DNAAF3: variants seen among roughly 807,000 people sequenced by gnomAD.
The protein encoded by DNAAF3 is dynein axonemal assembly factor 3, also known as UPF0470 protein C19orf51.
A neutral mutation model predicts 50.9 loss-of-function variants in DNAAF3; 40 were observed. That is an observed-to-expected ratio of 0.79 (90% confidence interval 0.61 to 1.02). The LOEUF (loss-of-function observed/expected upper bound fraction) is 1.02. Among genes scored for constraint, DNAAF3 ranks in the 50% least tolerant of loss-of-function variants. The pLI, the probability that DNAAF3 is intolerant of heterozygous loss-of-function variation, is 0.00. For missense variants in DNAAF3, 763 were observed against 744.7 expected, an observed-to-expected ratio of 1.02 and a Z score of -0.29; for synonymous variants, 327 against 322.8, an observed-to-expected ratio of 1.01 and a Z score of -0.14.
intron 3 of DNAAF3, 149 bp downstream of exon 3, chr19:55,165,709 C>G (rs1487821946): frequency 7.3e-7 from 1 of 1,376,084 alleles, no homozygotes; most frequent in Non-Finnish European, 9.9e-7. Context: ...TTCCTTCCCC[C>G]AAGACGCATC....
chr19:55,159,568 C>T lies in DNAAF3; in HGVS notation c.1203G>A (p.Val401=). 3 of 1,606,378 alleles carry T rather than the reference C, an allele frequency of 1.9e-6. No homozygotes were observed. Among genetic ancestry groups the T allele is most frequent in the Non-Finnish European group, 1.7e-6 (2 of 1,176,058 alleles). The part of the protein sequence containing the change: ...HLLIPELGAC[V]APGGNLIVEL... The stretch of plus-strand genomic sequence containing the variant: ...CCACAATCAAGTTCCCTCCGGGTGC[C>T]ACACAGGCCCCAAGCTCAGGGATGA... Residue 401 remains valine (V), a synonymous_variant, in exon 11 of 12, where the codon GTG becomes GTA. Coordinates refer to ENST00000524407, the MANE Select transcript of DNAAF3 (RefSeq NM_001256715.2).
At position 55,166,360 on chromosome 19, in the gene DNAAF3, G is replaced by A. The variant is rs1045659712; in HGVS notation, c.54C>T (p.Gly18=). 3 of 1,613,684 alleles carry A rather than the reference G, an allele frequency of 1.9e-6. No individual in the cohort carries two copies. In the African/African-American group the frequency reaches 4.0e-5, roughly 22 times the overall value. The change falls in exon 2 of 12, where the codon GGC becomes GGT. Residue 18 remains glycine (G), a synonymous_variant. Transcript: ENST00000524407. The surrounding 1 kb of genome is among the most constrained non-coding windows in gnomAD (Gnocchi z 4.0). The part of the protein sequence containing the change: ...GSGFGSVSWW[G]LSPALDLQAE... ...CCTGCAGGTCCAGCGCCGGGGACAG[G>A]CCCCACCAGGACACGGAGCCGAAGC...
At position 55,162,707 on chromosome 19, in the gene DNAAF3, T is replaced by C. The variant is rs749533068; in HGVS notation, c.323-417A>G. 8 of 979,022 alleles carry C rather than the reference T, an allele frequency of 8.2e-6. No homozygotes were observed. The African/African-American group carries it at 1.4e-4, about 17-fold the overall frequency. 60.6% of individuals were successfully genotyped at this position (979,022 alleles called of 1,614,324 possible). On this transcript the variant is annotated intron_variant, in intron 4 of 11. Transcript: ENST00000524407. ...ACACAACAGTAAAAAATAATACAAA[T>C]TGTAAAATATGGTGTAAGCATTTAC... is the stretch of plus-strand genomic sequence containing the variant.
chr19:55,164,219 G>C (rs150037688), intron 4 of DNAAF3, among the ~76,000 whole-genome samples: 1 of 152,082 alleles, frequency 6.6e-6, no homozygotes, highest in Non-Finnish European at 1.5e-5. Context: ...GATCGCACCC[G>C]CCTGTAAACC....
At position 55,160,051 on chromosome 19, in the gene DNAAF3, G is replaced by A. The variant is rs752765894; in HGVS notation, c.1049-38C>T. ...GATAGAGGGGTCACCTCTGACAGGC[G>A]GAGCCATAAGGGCGGAAAACCAGAG... On this transcript the variant is annotated intron_variant, in intron 9 of 11. Coordinates refer to ENST00000524407, the MANE Select transcript of DNAAF3 (RefSeq NM_001256715.2). This position sits in a 1 kb window ranked among gnomAD's most constrained non-coding sequence, Gnocchi z 4.7. The A allele has an allele frequency of 2.0e-5, 28 of 1,419,350 alleles. No individual in the cohort carries two copies. The highest frequency in any genetic ancestry group is 4.6e-5 in the East Asian group (2 of 43,924). 87.9% of individuals were successfully genotyped at this position (1,419,350 alleles called of 1,614,324 possible). A position where few individuals can be genotyped will look rare whatever the true frequency, so the allele number is the denominator to read the frequency against.
chr19:55,161,471 A>G lies in DNAAF3; in HGVS notation c.664-53T>C. ...CCCTCAGTGAACCGAGCGTGGAGAG[A>G]CCCCTACACCAGCCTCCCTCAGACC... On this transcript the variant is annotated intron_variant, in intron 6 of 11. Coordinates refer to ENST00000524407, the MANE Select transcript of DNAAF3 (RefSeq NM_001256715.2). The surrounding 1 kb of genome is among the most constrained non-coding windows in gnomAD (Gnocchi z 6.4). 1.3e-6 allele frequency: 2 copies of G among 1,544,632 alleles called. No homozygotes were observed. The highest frequency in any genetic ancestry group is 1.7e-6 in the Non-Finnish European group (2 of 1,146,650).
At position 55,166,301 on chromosome 19, in the gene DNAAF3, G is replaced by T; in HGVS notation, c.85+28C>A. 1 of 1,610,742 alleles carries T rather than the reference G, an allele frequency of 6.2e-7. No individual in the cohort carries two copies. The highest frequency in any genetic ancestry group is 1.3e-5 in the African/African-American group (1 of 74,990). ...TGCTCAGGCTGGGAAGGCAGACGGT[G>T]TATCAGACCTTGCGTGCTGGGACTC... On this transcript the variant is annotated intron_variant, in intron 2 of 11. Transcript: ENST00000524407. The surrounding 1 kb of genome is among the most constrained non-coding windows in gnomAD (Gnocchi z 4.0).
chr19:55,165,389 C>T lies in DNAAF3; in HGVS notation c.303G>A (p.Pro101=), dbSNP rs371199276. ...ACAGACCTTGCAGCCCCATCTTCTC[C>T]GGTTCCTCCAGGGCTAGGCTGAAGA... ...MLIFSLALEE[P]EKMGLQERSE... Residue 101 remains proline (P), a synonymous_variant, in exon 4 of 12, where the codon CCG becomes CCA. Coordinates refer to ENST00000524407, the MANE Select transcript of DNAAF3 (RefSeq NM_001256715.2). The T allele has an allele frequency of 1.1e-5, 17 of 1,614,034 alleles. No homozygotes were observed. The highest frequency in any genetic ancestry group is 3.3e-5 in the Admixed American group (2 of 59,996).
chr19:55,159,696 G>A lies in DNAAF3; in HGVS notation c.1164-89C>T, dbSNP rs921161964. The A allele has an allele frequency of 4.4e-6, 7 of 1,589,802 alleles. No individual in the cohort carries two copies. In the African/African-American group the frequency reaches 5.6e-5, roughly 13 times the overall value. ...GGGATCCCAGACAATGAGGGAGGAG[G>A]GGTGGCAAAACTGGAGTCTGGGTCC... On this transcript the variant is annotated intron_variant, in intron 10 of 11. Coordinates refer to ENST00000524407, the MANE Select transcript of DNAAF3 (RefSeq NM_001256715.2).
chr19:55,159,319 A>T lies in DNAAF3; in HGVS notation c.1369T>A (p.Ser457Thr). Residue 457 changes from serine to threonine, a missense_variant, in exon 12 of 12, where the codon TCC (serine) becomes ACC (threonine). By Grantham distance (58) the Ser-to-Thr change is moderately conservative. Coordinates refer to ENST00000524407, the MANE Select transcript of DNAAF3 (RefSeq NM_001256715.2). The part of the protein sequence containing the change: ...PSETFARFCK[S>T]QESALGNTVP... ...GTGTTGCCCAGAGCTGATTCCTGGG[A>T]CTTGCAGAAACGTGCGAAGGTCTCT... is the stretch of plus-strand genomic sequence containing the variant. 6.2e-7 allele frequency: 1 copy of T among 1,614,144 alleles called. No homozygotes were observed.
At chr19:55,162,080 C>T in intron 5 of DNAAF3, 53 bp downstream of exon 5, 1 of 1,243,838 alleles carries the variant, frequency 8.0e-7, no homozygotes, top group Non-Finnish European at 1.0e-6. Flanking sequence ...GGACTGTGCG[C>T]TTCCATTATT....
chr19:55,159,611 C>A lies in DNAAF3; in HGVS notation c.1164-4G>T. On this transcript the variant is annotated splice_polypyrimidine_tract_variant and splice_region_variant and intron_variant, in intron 10 of 11. Transcript: ENST00000524407. ...AGGGATGAGAAGATGGACCATACTGCAGAGAGGACGGAGGACAGGCTGAGA... is the reference window on the plus strand; with the variant it reads ...AGGGATGAGAAGATGGACCATACTGAAGAGAGGACGGAGGACAGGCTGAGA... 3 of 1,612,558 alleles carry A rather than the reference C, an allele frequency of 1.9e-6. No homozygotes were observed. Among genetic ancestry groups the A allele is most frequent in the Non-Finnish European group, 2.5e-6 (3 of 1,179,386 alleles).
At chr19:55,162,440 G>A (rs1396157058) in intron 4 of DNAAF3, 150 bp from the exon 5 acceptor site, 2 of 988,976 alleles carry the variant, frequency 2.0e-6, no homozygotes, top group Admixed American at 8.6e-5. Flanking sequence ...TGAAGAACAG[G>A]GCCGGACATG....
intron 4 of DNAAF3, among the ~76,000 whole-genome samples, chr19:55,164,528 T>C (rs1255166151): frequency 1.3e-5 from 2 of 151,756 alleles, no homozygotes; most frequent in Non-Finnish European, 2.9e-5. Flanking sequence ...TTTTTCTTTC[T>C]TTCTTTTTTT....
Position 55,161,172 on chromosome 19 carries a change from C to T in DNAAF3, c.805G>A (p.Ala269Thr). The T allele has an allele frequency of 6.4e-7, 1 of 1,566,404 alleles. No homozygotes were observed. Among genetic ancestry groups the T allele is most frequent in the Admixed American group, 1.9e-5 (1 of 53,348 alleles). Residue 269 changes from alanine (A) to threonine (T), a missense_variant, in exon 8 of 12, where the codon GCA (alanine) becomes ACA (threonine). Coordinates refer to ENST00000524407, the MANE Select transcript of DNAAF3 (RefSeq NM_001256715.2). The surrounding 1 kb of genome is among the most constrained non-coding windows in gnomAD (Gnocchi z 6.4). ...RLLSYRGERV[A>T]ARGYWGDIAT... Reference sequence around the variant, plus strand: ...ATGTCCCCCCAGTACCCGCGCGCTGCCACGCGCTCCCCACGCTGGAAAAGG... The same window carrying T: ...ATGTCCCCCCAGTACCCGCGCGCTGTCACGCGCTCCCCACGCTGGAAAAGG...
rs1369818997 is a variant in DNAAF3, at chr19:55,160,108, C to G, written c.1049-95G>C. ...ACAGAGCTGGGCAGAGCTGGGCAGG[C>G]ACACAGGACTTGGAGATAACACTTT... is the stretch of plus-strand genomic sequence containing the variant. On this transcript the variant is annotated intron_variant, in intron 9 of 11. Coordinates refer to ENST00000524407, the MANE Select transcript of DNAAF3 (RefSeq NM_001256715.2). This position sits in a 1 kb window ranked among gnomAD's most constrained non-coding sequence, Gnocchi z 4.7. 2 of 828,296 alleles carry G rather than the reference C, an allele frequency of 2.4e-6. No individual in the cohort carries two copies. The highest frequency in any genetic ancestry group is 4.1e-6 in the Non-Finnish European group (2 of 485,944). 51.3% of individuals were successfully genotyped at this position (828,296 alleles called of 1,614,324 possible). A position where few individuals can be genotyped will look rare whatever the true frequency, so the allele number is the denominator to read the frequency against.
Position 55,165,843 on chromosome 19 carries a change from T to G in DNAAF3, c.228+15A>C, listed in dbSNP as rs763822200. On this transcript the variant is annotated intron_variant, in intron 3 of 11. Transcript: ENST00000524407. Reference sequence around the variant, plus strand: ...GGACTCGGGAATCTGGGCTCTCATCTTCATCCCAGCTCACGTTGAACCTCC... The same window carrying G: ...GGACTCGGGAATCTGGGCTCTCATCGTCATCCCAGCTCACGTTGAACCTCC... 5 of 1,612,944 alleles carry G rather than the reference T, an allele frequency of 3.1e-6. No individual in the cohort carries two copies. In the East Asian group the frequency reaches 1.1e-4, roughly 36 times the overall value.
At chr19:55,165,021 CTTTTTTT>C (rs1164581047) in intron 4 of DNAAF3, among the ~76,000 whole-genome samples, 264 of 84,560 alleles carry the variant, frequency 3.1e-3, no homozygotes, top group African/African-American at 0.013. Context: ...GTTTCGCTCT[CTTTTTTT>C]TTTTTTTTTT....
Position 55,165,941 on chromosome 19 carries a change from C to T in DNAAF3, c.145G>A (p.Val49Met), listed in dbSNP as rs1297063208. The T allele has an allele frequency of 2.5e-6, 4 of 1,614,256 alleles. No homozygotes were observed. The East Asian group carries it at 6.7e-5, about 27-fold the overall frequency. ...CCATCCACAGAGCCCAGAAGCAGCA[C>T]ATCTAGCTCGGGGTTGCTGTGCACT... ...DTVHSNPELDVLLLGSVDGRH... is the reference protein window; with the variant it reads ...DTVHSNPELDMLLLGSVDGRH... The change falls in exon 3 of 12, where the codon GTG becomes ATG. Residue 49 changes from valine to methionine, a missense_variant. By Grantham distance (21) the Val-to-Met change is conservative. Coordinates refer to ENST00000524407, the MANE Select transcript of DNAAF3 (RefSeq NM_001256715.2).
Sources: gnomAD v4.1 joint callset for allele counts (sites outside exome capture counted in the v4.1 genomes callset) on GRCh38, gnomAD v4.1.1 for gene constraint, Gnocchi (gnomAD v3.1) non-coding constraint, MANE v1.5 for transcripts, NCBI Gene and HGNC (gene_info 2026-07-23, HGNC 2026-07-21) for gene names.